Variants in NKAIN2 observed in about 807,000 individuals in gnomAD.
NKAIN2 encodes sodium/potassium transporting ATPase interacting 2, also known as sodium/potassium-transporting ATPase subunit beta-1-interacting protein 2.
A neutral mutation model predicts 32.6 loss-of-function variants in NKAIN2; 14 were observed. The ratio of observed to expected loss-of-function variants is 0.43; its 90% CI spans 0.28 to 0.67. The LOEUF (loss-of-function observed/expected upper bound fraction) is 0.67. Ranked by LOEUF, NKAIN2 falls within the 30% of genes least tolerant of loss-of-function variation. The pLI, the probability that NKAIN2 is intolerant of heterozygous loss-of-function variation, is 0.17. For synonymous variants in NKAIN2, 80 were observed against 87.2 expected (o/e 0.92, Z 0.46); for missense variants, 198 against 258.3 (o/e 0.77, Z 1.60).
intron 2 of NKAIN2, among the ~76,000 whole-genome samples, chr6:124,309,163 G>A (rs868779308): frequency 6.6e-6 from 1 of 152,056 alleles, no homozygotes; most frequent in East Asian, 1.9e-4. Context: ...AAAGTGCAGT[G>A]GACAGGGAAT....
intron 4 of NKAIN2, among the ~76,000 whole-genome samples, chr6:124,712,086 G>A (rs992747734): frequency 6.6e-6 from 1 of 151,646 alleles, no homozygotes; most frequent in Non-Finnish European, 1.5e-5. Context: ...CGTGTGAGGT[G>A]TCAGTGTGCC....
chr6:124,391,772 T>C (rs1159330137), intron 3 of NKAIN2, among the ~76,000 whole-genome samples: 1 of 152,152 alleles, frequency 6.6e-6, no homozygotes, highest in East Asian at 1.9e-4. Context: ...AAATTACTTT[T>C]GGTGGTGCTC....
At chr6:124,656,067 G>T (rs1784527689) in intron 3 of NKAIN2, among the ~76,000 whole-genome samples, 1 of 152,054 alleles carries the variant, frequency 6.6e-6, no homozygotes, top group Admixed American at 6.6e-5. Flanking sequence ...AGGCCCTGGG[G>T]ATTTATCCAG....
chr6:124,085,293 T>C (rs1415667555), intron 1 of NKAIN2, among the ~76,000 whole-genome samples: 1 of 152,048 alleles, frequency 6.6e-6, no homozygotes, highest in African/African-American at 2.4e-5. Flanking sequence ...TTGAGAACTA[T>C]AATTTTGGCT....
Position 124,524,119 on chromosome 6 carries a change from T to C in NKAIN2, c.274-134067T>C, listed in dbSNP as rs531107385. On this transcript the variant is annotated intron_variant, in intron 3 of 6. Transcript: ENST00000368417. ...GGAAGAACTGAGTCTGTCTTGACAA[T>C]GTTGTATTGATCTGGATGAAACAAG... Among the ~76,000 whole-genome samples the C allele has an allele frequency of 9.8e-4, 150 of 152,298 alleles. No homozygotes were observed. The South Asian group carries it at 0.014, about 14-fold the overall frequency.
chr6:124,518,197 A>G (rs1002882406), intron 3 of NKAIN2, among the ~76,000 whole-genome samples: 34 of 151,542 alleles, frequency 2.2e-4, no homozygotes, highest in Admixed American at 2.2e-3. Context: ...CTCTCTGCAC[A>G]TTTTGTTGAG....
intron 3 of NKAIN2, among the ~76,000 whole-genome samples, chr6:124,600,117 A>C (rs1307605198): frequency 6.6e-6 from 1 of 152,096 alleles, no homozygotes; most frequent in Non-Finnish European, 1.5e-5. Flanking sequence ...ACTTCAGTGA[A>C]CCAAGCAGCT....
intron 1 of NKAIN2, among the ~76,000 whole-genome samples, chr6:123,902,655 C>G (rs1224862313): frequency 2.6e-5 from 4 of 151,970 alleles, no homozygotes; most frequent in Admixed American, 2.6e-4. Context: ...ATTTAACAAC[C>G]CTGTTTGGGC....
At chr6:124,091,226 TACCACCA>T (rs1784403355) in intron 1 of NKAIN2, among the ~76,000 whole-genome samples, 1 of 151,956 alleles carries the variant, frequency 6.6e-6, no homozygotes, top group African/African-American at 2.4e-5. Flanking sequence ...TGAAGCTATA[TACCACCA>T]GACCAAAGAA....
intron 1 of NKAIN2, among the ~76,000 whole-genome samples, chr6:123,989,736 A>G (rs189910843): frequency 1.3e-5 from 2 of 152,322 alleles, no homozygotes; most frequent in East Asian, 1.9e-4. Flanking sequence ...TTTTAAAACC[A>G]TCTTTAGATA....
chr6:124,333,955 G>T (rs2115059573), intron 2 of NKAIN2, among the ~76,000 whole-genome samples: 1 of 152,186 alleles, frequency 6.6e-6, no homozygotes, highest in African/African-American at 2.4e-5. Context: ...GTTAAAGCAA[G>T]TACTTTTAAC....
At chr6:124,296,455 C>T (rs1444300620) in intron 2 of NKAIN2, among the ~76,000 whole-genome samples, 3 of 151,924 alleles carry the variant, frequency 2.0e-5, no homozygotes, top group Non-Finnish European at 2.9e-5. Context: ...AAATAAATGT[C>T]CAAGCAGAAA....
In NKAIN2 at chr6:124,379,458, G is replaced by A. The variant is rs375681061; in HGVS notation, c.273+24111G>A. ...GCTTCTCAATTCTTTCATCATTTAT[G>A]TAATGAATTCCCTGCCTTATAAATT... On this transcript the variant is annotated intron_variant, in intron 3 of 6. Coordinates refer to ENST00000368417, the MANE Select transcript of NKAIN2 (RefSeq NM_001040214.3). Among the ~76,000 whole-genome samples the A allele has an allele frequency of 5.9e-5, 9 of 152,140 alleles. No homozygotes were observed. In the East Asian group the frequency reaches 1.4e-3, roughly 23 times the overall value.
chr6:124,135,515 T>TAAAA (rs56183476), intron 1 of NKAIN2, among the ~76,000 whole-genome samples: 14 of 100,376 alleles, frequency 1.4e-4, no homozygotes, highest in South Asian at 3.4e-4. Flanking sequence ...GCAACGATAG[T>TAAAA]AAAAAAAAAA....
rs1161435078 is a variant in NKAIN2 at position 124,050,941 on chromosome 6, G to GT, written c.55-232059dup. On this transcript the variant is annotated intron_variant, in intron 1 of 6. Coordinates refer to ENST00000368417, the MANE Select transcript of NKAIN2 (RefSeq NM_001040214.3). ...CAAATGCTTATTCTTTATTCCTTTT[G>GT]TTTTTCAAAGGGAAAGAAAAATACA... Among the ~76,000 whole-genome samples the GT allele has an allele frequency of 1.3e-5, 2 of 151,890 alleles. 1 individual carries two copies. Among genetic ancestry groups the GT allele is most frequent in the East Asian group, 3.9e-4 (2 of 5,162 alleles).
chr6:124,167,668 C>T (rs1322395395), intron 1 of NKAIN2, among the ~76,000 whole-genome samples: 1 of 152,040 alleles, frequency 6.6e-6, no homozygotes, highest in African/African-American at 2.4e-5. Context: ...TCATAGATAG[C>T]TCTTATTATT....
chr6:124,318,087 A>G (rs540609732), intron 2 of NKAIN2, among the ~76,000 whole-genome samples: 2 of 152,160 alleles, frequency 1.3e-5, no homozygotes, highest in African/African-American at 2.4e-5. Context: ...TTTCAATACC[A>G]TGTCTTCTGC....
chr6:124,176,238 G>C (rs1489643042), intron 1 of NKAIN2, among the ~76,000 whole-genome samples: 1 of 152,100 alleles, frequency 6.6e-6, no homozygotes, highest in Admixed American at 6.5e-5. Context: ...TTGGAAAATG[G>C]CTCTGATAAG....
Position 124,477,767 on chromosome 6 carries a change from CCT to C in NKAIN2, c.273+122422_273+122423del, listed in dbSNP as rs1308680037. On this transcript the variant is annotated intron_variant, in intron 3 of 6. Coordinates refer to ENST00000368417, the MANE Select transcript of NKAIN2 (RefSeq NM_001040214.3). ...CCCCCTTCCCCTTTTCCTTTCCCCC[CCT>C]CCCTTCTCCTTCCCTCCTCCCTCTT... 3.7e-3 allele frequency among the ~76,000 whole-genome samples: 382 copies of C among 103,386 alleles called. 2 individuals are homozygous for C. Among genetic ancestry groups the C allele is most frequent in the African/African-American group, 0.014 (368 of 26,234 alleles). 67.8% of individuals were successfully genotyped at this position (103,386 alleles called of 152,430 possible).
Sources: allele counts gnomAD v4.1 joint callset (sites outside exome capture counted in the v4.1 genomes callset), GRCh38; gene constraint gnomAD v4.1.1; transcripts MANE v1.5; gene names NCBI Gene and HGNC (gene_info 2026-07-23, HGNC 2026-07-21).